NOP58: variants seen among roughly 807,000 people sequenced by gnomAD.
The protein encoded by NOP58 is nucleolar protein 58.
NOP58 carries 44 observed loss-of-function variants against 71.2 expected under a neutral mutation model. That is an observed-to-expected ratio of 0.62 (90% CI 0.49 to 0.79). The LOEUF (loss-of-function observed/expected upper bound fraction) is 0.79. NOP58 is among the 30% of genes least tolerant of loss of function. The probability of loss-of-function intolerance (pLI) is 0.00; values close to 1 mark genes in which losing one functional copy is unlikely to be tolerated. For missense variants in NOP58, 538 were observed against 620.2 expected, an observed-to-expected ratio of 0.87 and a Z score of 1.41; for synonymous variants, 228 against 200.3, an observed-to-expected ratio of 1.14 and a Z score of -1.17.
At position 202,291,159 on chromosome 2, in the gene NOP58, T is replaced by C. The variant is rs761905480; in HGVS notation, c.669T>C (p.Ser223=). 23 of 1,612,728 alleles carry C rather than the reference T, an allele frequency of 1.4e-5. No individual in the cohort carries two copies. The highest frequency in any genetic ancestry group is 1.9e-5 in the Non-Finnish European group (22 of 1,179,656). The change falls in exon 8 of 15, where the codon TCT becomes TCC. Residue 223 remains serine, a synonymous_variant. Transcript: ENST00000264279. ...DRKNYASAKL[S]ELLPEEVEAE... ...AGAACTATGCCTCTGCCAAGCTTTC[T>C]GAGTTGCTGCCAGAAGAAGTTGAAG...
chr2:202,290,781 G>A (rs1455375597), intron 7 of NOP58, among the ~76,000 whole-genome samples: 2 of 152,098 alleles, frequency 1.3e-5, no homozygotes, highest in East Asian at 1.9e-4. Context: ...CTTGCCTTAC[G>A]AATTACTGGC....
intron 2 of NOP58, 48 bp downstream of exon 2, chr2:202,275,237 G>A: frequency 2.1e-6 from 2 of 941,536 alleles, no homozygotes; most frequent in Non-Finnish European, 3.3e-6. Context: ...TTTAGGGCTT[G>A]TTTTATTTTT....
chr2:202,266,157 T>C (rs577269383), intron 1 of NOP58, among the ~76,000 whole-genome samples, 171 bp downstream of exon 1: 74 of 152,148 alleles, frequency 4.9e-4, no homozygotes, highest in Non-Finnish European at 9.3e-4. Context: ...GTGTAACACG[T>C]GGCCCCGCCG....
intron 4 of NOP58, among the ~76,000 whole-genome samples, chr2:202,283,624 A>C (rs893243249): frequency 1.3e-5 from 2 of 151,520 alleles, no homozygotes; most frequent in Non-Finnish European, 2.9e-5. Context: ...TATTTTTAGT[A>C]GAGACGGGGT....
At chr2:202,299,836 G>A (rs975756220) in intron 12 of NOP58, 1 of 130,226 alleles carries the variant, frequency 7.7e-6, no homozygotes, top group African/African-American at 2.8e-5. Flanking sequence ...TAGATTTTTT[G>A]TTCTGCTTTT....
At chr2:202,273,693 A>G (rs985282688) in intron 1 of NOP58, among the ~76,000 whole-genome samples, 5 of 152,226 alleles carry the variant, frequency 3.3e-5, no homozygotes, top group Non-Finnish European at 7.3e-5. Context: ...CTGTAATCCC[A>G]ACGCTTTGGG....
At chr2:202,274,400 A>ATTTTTTTTTTT (rs1173477305) in intron 1 of NOP58, among the ~76,000 whole-genome samples, 2 of 104,682 alleles carry the variant, frequency 1.9e-5, no homozygotes, top group African/African-American at 7.9e-5. Flanking sequence ...CTAATTTTGT[A>ATTTTTTTTTTT]TTTTTTTTTT....
chr2:202,289,557 C>T (rs1193671515), intron 6 of NOP58, among the ~76,000 whole-genome samples: 1 of 152,186 alleles, frequency 6.6e-6, no homozygotes, highest in African/African-American at 2.4e-5. Flanking sequence ...TGCAAATACT[C>T]TGAAATACTT....
In NOP58 at chr2:202,295,899, TTTC is replaced by T. The variant is rs563457275; in HGVS notation, c.1071+67_1071+69del. 9.8e-5 allele frequency: 131 copies of T among 1,339,686 alleles called. 1 individual carries two copies. The African/African-American group carries it at 1.8e-3, about 19-fold the overall frequency. 83.0% of individuals were successfully genotyped at this position (1,339,686 alleles called of 1,614,324 possible). On this transcript the variant is annotated intron_variant, in intron 10 of 14. Coordinates refer to ENST00000264279, the MANE Select transcript of NOP58 (RefSeq NM_015934.5). Reference sequence around the variant, plus strand: ...ACTTTTTCATTTTTTACAACCCATTTTTCTTCTACTCTGTAGTACACATTAAAT... The same window carrying T: ...ACTTTTTCATTTTTTACAACCCATTTTTCTACTCTGTAGTACACATTAAAT...
intron 1 of NOP58, among the ~76,000 whole-genome samples, chr2:202,272,285 TG>T (rs989738161): frequency 6.6e-6 from 1 of 151,558 alleles, no homozygotes; most frequent in Non-Finnish European, 1.5e-5. Context: ...CCCGAGTAGC[TG>T]GAACTACAGG....
intron 1 of NOP58, among the ~76,000 whole-genome samples, chr2:202,272,226 A>G (rs970706984): frequency 5.1e-5 from 7 of 137,172 alleles, no homozygotes; most frequent in Admixed American, 3.6e-4. Context: ...ATCTCAGCTC[A>G]CTGCAGGCTC....
At chr2:202,266,076 A>G (rs924389514) in intron 1 of NOP58, 90 bp downstream of exon 1, 2 of 1,445,090 alleles carry the variant, frequency 1.4e-6, no homozygotes, top group African/African-American at 2.8e-5. Context: ...TACTCAGAGT[A>G]GCGTGGGTGC....
intron 5 of NOP58, among the ~76,000 whole-genome samples, chr2:202,286,054 C>T (rs1284069909): frequency 1.3e-5 from 2 of 151,420 alleles, no homozygotes; most frequent in African/African-American, 4.9e-5. Context: ...CAGTGGCGGG[C>T]GCCTGTAGTC....
Position 202,265,914 on chromosome 2 carries a change from C to G in NOP58, c.-28C>G. 6.2e-7 allele frequency: 1 copy of G among 1,613,996 alleles called. No individual in the cohort carries two copies. The highest frequency in any genetic ancestry group is 8.5e-7 in the Non-Finnish European group (1 of 1,179,902). On this transcript the variant is annotated 5_prime_UTR_variant, in exon 1 of 15. Transcript: ENST00000264279. ...AACTGACTCTACAGCTTCTGGCAGG[C>G]CGTGCGGCGCCCTGACCCGGCCTCA...
chr2:202,299,742 A>G (rs1689058574), intron 12 of NOP58: 1 of 152,068 alleles, frequency 6.6e-6, no homozygotes, highest in Non-Finnish European at 1.5e-5. Flanking sequence ...GTTGGGTTCT[A>G]TGGAATCTTT....
chr2:202,288,485 TAA>T lies in NOP58; in HGVS notation c.499+778_499+779del, dbSNP rs369945744. Among the ~76,000 whole-genome samples, 334 of 114,994 alleles carry T rather than the reference TAA, an allele frequency of 2.9e-3. 1 individual carries two copies. The highest frequency in any genetic ancestry group is 7.7e-3 in the African/African-American group (249 of 32,330). 75.4% of individuals were successfully genotyped at this position (114,994 alleles called of 152,430 possible). A position where few individuals can be genotyped will look rare whatever the true frequency, so the allele number is the denominator to read the frequency against. ...CAACAAGAGCAAATCTCCATCTCAC[TAA>T]AAAAAAAAAAAAAAAATCAAAATCT... On this transcript the variant is annotated intron_variant, in intron 6 of 14. Transcript: ENST00000264279.
Position 202,295,805 on chromosome 2 carries a change from G to A in NOP58, c.1039G>A (p.Val347Met), listed in dbSNP as rs766805972. 21 of 1,599,774 alleles carry A rather than the reference G, an allele frequency of 1.3e-5. No individual in the cohort carries two copies. Among genetic ancestry groups the A allele is most frequent in the South Asian group, 1.1e-5 (1 of 88,088 alleles). Reference protein sequence around the residue: ...KYGLIYHASLVGQTSPKHKGK... With the variant: ...KYGLIYHASLMGQTSPKHKGK... ...TGGTCTCATTTATCATGCTTCACTC[G>A]TGGGCCAGACAAGTCCCAAACACAA... is the stretch of plus-strand genomic sequence containing the variant. The change falls in exon 10 of 15, where the codon GTG (valine) becomes ATG (methionine). Residue 347 changes from valine to methionine, a missense_variant. Val to Met is a conservative substitution (Grantham distance 21, BLOSUM62 1). Transcript: ENST00000264279.
At chr2:202,288,678 G>A (rs549795757) in intron 6 of NOP58, among the ~76,000 whole-genome samples, 1 of 151,806 alleles carries the variant, frequency 6.6e-6, no homozygotes, top group Admixed American at 6.6e-5. Flanking sequence ...ATCTGAGCAT[G>A]ATGGTAGGCG....
chr2:202,282,567 A>C (rs769456833), intron 4 of NOP58, 95 bp downstream of exon 4: 11 of 1,247,060 alleles, frequency 8.8e-6, no homozygotes, highest in Non-Finnish European at 2.2e-6. Context: ...CTTATCATAA[A>C]TTCTCAATAC....
Sources: gnomAD v4.1 joint callset for allele counts (sites outside exome capture counted in the v4.1 genomes callset) on GRCh38, gnomAD v4.1.1 for gene constraint, MANE v1.5 for transcripts, NCBI Gene and HGNC (gene_info 2026-07-23, HGNC 2026-07-21) for gene names.